FRYL: variants seen among roughly 807,000 people sequenced by gnomAD.
FRYL encodes the protein FRY like transcription coactivator.
FRYL carries 150 observed loss-of-function variants against 351.2 expected under a neutral mutation model. That is an observed-to-expected ratio of 0.43 (90% CI 0.37 to 0.49). The LOEUF (loss-of-function observed/expected upper bound fraction) is 0.49. Among genes scored for constraint, FRYL ranks in the 20% least tolerant of loss-of-function variants. FRYL has a pLI of 0.00. For synonymous variants in FRYL, 1,153 were observed against 1,257.1 expected (o/e 0.92, Z 1.75); for missense variants, 3,036 against 3,619.3 (o/e 0.84, Z 4.13).
chr4:48,756,395 C>A (rs1364214242), intron 1 of FRYL, among the ~76,000 whole-genome samples: 1 of 152,124 alleles, frequency 6.6e-6, no homozygotes, highest in East Asian at 1.9e-4. Flanking sequence ...AGATATTGTT[C>A]CAGTCTAAAA....
chr4:48,567,999 C>T lies in FRYL; in HGVS notation c.2997-579G>A, dbSNP rs181960213. Reference sequence around the variant, plus strand: ...ATCTGCAATGTGCTGGGCGCGGTGGCTCACACCTGTAATGCCAGCACTTTG... The same window carrying T: ...ATCTGCAATGTGCTGGGCGCGGTGGTTCACACCTGTAATGCCAGCACTTTG... On this transcript the variant is annotated intron_variant, in intron 27 of 63. Coordinates refer to ENST00000358350, the MANE Select transcript of FRYL (RefSeq NM_015030.2). This position sits in a 1 kb window ranked among gnomAD's most constrained non-coding sequence, Gnocchi z 4.2. Among the ~76,000 whole-genome samples, 11 of 152,330 alleles carry T rather than the reference C, an allele frequency of 7.2e-5. No homozygotes were observed. The East Asian group carries it at 2.1e-3, about 29-fold the overall frequency.
intron 53 of FRYL, among the ~76,000 whole-genome samples, chr4:48,526,539 T>C (rs1726271304): frequency 6.6e-6 from 1 of 152,200 alleles, no homozygotes; most frequent in African/African-American, 2.4e-5. Context: ...AGAGCATTTC[T>C]GGATGTGACC....
chr4:48,670,323 C>T (rs1281209173), intron 3 of FRYL, among the ~76,000 whole-genome samples: 1 of 151,794 alleles, frequency 6.6e-6, no homozygotes, highest in Non-Finnish European at 1.5e-5. Context: ...ATCCCAGCTA[C>T]TTGGAAGGCT....
intron 3 of FRYL, among the ~76,000 whole-genome samples, chr4:48,644,305 C>G (rs764001291): frequency 1.3e-5 from 2 of 151,762 alleles, no homozygotes; most frequent in East Asian, 3.9e-4. Context: ...TTACAGTATA[C>G]ATGGAAGAAT....
At chr4:48,704,328 T>C (rs1320104456) in intron 2 of FRYL, among the ~76,000 whole-genome samples, 1 of 152,090 alleles carries the variant, frequency 6.6e-6, no homozygotes, top group East Asian at 1.9e-4. Flanking sequence ...TCAATATCAC[T>C]CACAAAGGGG....
intron 39 of FRYL, 144 bp from the exon 40 acceptor site, chr4:48,548,937 C>T (rs903624646): frequency 1.7e-6 from 1 of 579,602 alleles, no homozygotes. Context: ...AAAACAAATA[C>T]AGCTGAAGAA....
chr4:48,695,687 A>C (rs1476041290), intron 2 of FRYL, among the ~76,000 whole-genome samples: 1 of 152,186 alleles, frequency 6.6e-6, no homozygotes, highest in African/African-American at 2.4e-5. Context: ...AATGGGATCT[A>C]ATCAAACTAA....
In FRYL at chr4:48,497,980, G is replaced by A. The variant is rs1718774430; in HGVS notation, c.*1442C>T. ...ACATTCTAAACTCTGGAATCACAGA[G>A]CCCAGTTTAAAAGAAAAGTCACAGT... On this transcript the variant is annotated 3_prime_UTR_variant, in exon 64 of 64. Transcript: ENST00000358350. 1 of 152,174 alleles carries A rather than the reference G, an allele frequency of 6.6e-6. No homozygotes were observed. Among genetic ancestry groups the A allele is most frequent in the African/African-American group, 2.4e-5 (1 of 41,312 alleles). 9.4% of individuals were successfully genotyped at this position (152,174 alleles called of 1,614,324 possible). A position where few individuals can be genotyped will look rare whatever the true frequency, so the allele number is the denominator to read the frequency against.
intron 1 of FRYL, among the ~76,000 whole-genome samples, chr4:48,764,154 A>C (rs1243882977): frequency 6.6e-6 from 1 of 152,180 alleles, no homozygotes; most frequent in Non-Finnish European, 1.5e-5. Flanking sequence ...TGTGTGACAG[A>C]GCAAGACTCT....
At chr4:48,649,919 A>G (rs1278586785) in intron 3 of FRYL, among the ~76,000 whole-genome samples, 1 of 152,214 alleles carries the variant, frequency 6.6e-6, no homozygotes, top group Non-Finnish European at 1.5e-5. Flanking sequence ...ATGATGAACT[A>G]TAATAATATA....
intron 1 of FRYL, among the ~76,000 whole-genome samples, chr4:48,729,143 C>T (rs1420296968): frequency 6.6e-6 from 1 of 152,250 alleles, no homozygotes; most frequent in Non-Finnish European, 1.5e-5. Flanking sequence ...TGAGATTGAC[C>T]TGGGACGTGG....
intron 1 of FRYL, among the ~76,000 whole-genome samples, chr4:48,745,340 C>T (rs1217872930): frequency 3.9e-5 from 6 of 152,134 alleles, no homozygotes; most frequent in Non-Finnish European, 8.8e-5. Context: ...ATAGCAAAGA[C>T]GTGGAACCAA....
intron 1 of FRYL, among the ~76,000 whole-genome samples, chr4:48,758,391 T>A (rs923648051): frequency 2.0e-5 from 3 of 151,624 alleles, no homozygotes; most frequent in Admixed American, 6.6e-5. Context: ...CAAGAAAAAA[T>A]CAAACAACCC....
intron 35 of FRYL, among the ~76,000 whole-genome samples, chr4:48,554,101 G>C (rs1209229381): frequency 6.6e-6 from 1 of 152,126 alleles, no homozygotes; most frequent in African/African-American, 2.4e-5. Context: ...GTATATTACT[G>C]AAATAACTTC....
intron 36 of FRYL, among the ~76,000 whole-genome samples, chr4:48,552,706 T>C (rs1733144607): frequency 6.6e-6 from 1 of 151,814 alleles, no homozygotes; most frequent in Admixed American, 6.6e-5. Flanking sequence ...TTATTAGACA[T>C]CTCCTGGAAA....
intron 1 of FRYL, among the ~76,000 whole-genome samples, chr4:48,740,881 A>G (rs1435240251): frequency 6.6e-6 from 1 of 152,152 alleles, no homozygotes; most frequent in Non-Finnish European, 1.5e-5. Context: ...TATCAAACAC[A>G]TCCAGCACTT....
At chr4:48,775,587 C>T (rs1173639990) in intron 1 of FRYL, among the ~76,000 whole-genome samples, 1 of 152,170 alleles carries the variant, frequency 6.6e-6, no homozygotes, top group African/African-American at 2.4e-5. Context: ...CTGTAGCCCC[C>T]TTTTTATAAT....
intron 2 of FRYL, among the ~76,000 whole-genome samples, chr4:48,702,773 A>AAAAAAAAAAAAAAAAAG (rs1553983293): frequency 7.2e-6 from 1 of 139,280 alleles, no homozygotes; most frequent in African/African-American, 2.7e-5. Context: ...AAAAAAAAAA[A>AAAAAAAAAAAAAAAAAG]AAAGAAAAAG....
At chr4:48,635,279 C>G (rs1753996317) in intron 3 of FRYL, among the ~76,000 whole-genome samples, 1 of 152,132 alleles carries the variant, frequency 6.6e-6, no homozygotes, top group South Asian at 2.1e-4. Context: ...AAAAATCTCT[C>G]TGGTACCTCT....
Sources: gnomAD v4.1 joint callset for allele counts (sites outside exome capture counted in the v4.1 genomes callset) on GRCh38, gnomAD v4.1.1 for gene constraint, Gnocchi (gnomAD v3.1) non-coding constraint, MANE v1.5 for transcripts, NCBI Gene and HGNC (gene_info 2026-07-23, HGNC 2026-07-21) for gene names.